The following KDM1A variants were observed in gnomAD, a reference collection of about 807,000 sequenced individuals.
KDM1A encodes lysine-specific histone demethylase 1A.
KDM1A carries 49 observed loss-of-function variants against 109.4 expected under a neutral mutation model. That is an observed-to-expected ratio of 0.45 (90% CI 0.36 to 0.57). The LOEUF is 0.57. KDM1A is among the 20% of genes least tolerant of loss of function. The pLI is 0.00. For synonymous variants in KDM1A, 380 were observed against 415.4 expected, an observed-to-expected ratio of 0.91 and a Z score of 1.04; for missense variants, 668 against 1,116.6, an observed-to-expected ratio of 0.60 and a Z score of 5.73.
chr1:23,022,324 GTT>G (rs35333220), intron 1 of KDM1A, among the ~76,000 whole-genome samples: 16 of 71,226 alleles, frequency 2.2e-4, no homozygotes, highest in African/African-American at 3.3e-4. Context: ...GTTCTTCTTC[GTT>G]TTTTTTTTTT....
At chr1:23,032,435 A>T (rs1642013144) in intron 2 of KDM1A, among the ~76,000 whole-genome samples, 1 of 150,404 alleles carries the variant, frequency 6.6e-6, no homozygotes, top group Non-Finnish European at 1.5e-5. Context: ...AGGATTTAGG[A>T]TTTGGGAGCT....
rs192049954 is a variant in KDM1A at position 23,082,858 on chromosome 1, T to C, written c.2446-321T>C. 3.6e-3 allele frequency: 860 copies of C among 239,684 alleles called. 3 individuals are homozygous for C. Among genetic ancestry groups the C allele is most frequent in the Admixed American group, 5.9e-3 (122 of 20,610 alleles). The allele number at this position is 239,684 out of a possible 1,614,324, so 14.8% of individuals were successfully genotyped here. A position where few individuals can be genotyped will look rare whatever the true frequency, so the allele number is the denominator to read the frequency against. The stretch of plus-strand genomic sequence containing the variant: ...TCCCTGATCACCAAATGTCCTGTGC[T>C]TCAGGGTAGCGAGGCTCCCTCCCAG... On this transcript the variant is annotated intron_variant, in intron 20 of 20. Transcript: ENST00000400181.
chr1:23,042,440 ATTTTTTTTTTTT>A (rs769149894), intron 2 of KDM1A, among the ~76,000 whole-genome samples: 5 of 21,562 alleles, frequency 2.3e-4, no homozygotes, highest in Non-Finnish European at 3.6e-4. Flanking sequence ...GAAATATATT[ATTTTTTTTTTTT>A]TTTTTTTTTT....
intron 15 of KDM1A, among the ~76,000 whole-genome samples, chr1:23,075,061 AGGTCAATTTAGG>A (rs1297850073): frequency 1.3e-5 from 2 of 152,254 alleles, no homozygotes; most frequent in African/African-American, 2.4e-5. Flanking sequence ...TTAAATTTCT[AGGTCAATTTAGG>A]GTGAATTGCC....
chr1:23,030,777 T>TTG (rs1557506084), intron 2 of KDM1A, 143 bp downstream of exon 2: 7 of 818,252 alleles, frequency 8.6e-6, no homozygotes, highest in East Asian at 2.7e-5. Flanking sequence ...ATGTGTGTCT[T>TTG]TGTGTGTGTG....
intron 4 of KDM1A, among the ~76,000 whole-genome samples, chr1:23,052,539 TAA>T (rs1642704005): frequency 6.6e-6 from 1 of 152,242 alleles, no homozygotes; most frequent in Non-Finnish European, 1.5e-5. Context: ...AATTTTTAGC[TAA>T]GACTTAAATA....
At chr1:23,034,043 G>C (rs547310686) in intron 2 of KDM1A, among the ~76,000 whole-genome samples, 2 of 152,226 alleles carry the variant, frequency 1.3e-5, no homozygotes, top group South Asian at 4.1e-4. Context: ...ATAATTGGAA[G>C]GAAGTTCTCT....
intron 10 of KDM1A, 51 bp downstream of exon 10, chr1:23,066,122 C>A: frequency 8.0e-7 from 1 of 1,242,910 alleles, no homozygotes; most frequent in South Asian, 1.2e-5. Flanking sequence ...TTACAATAAC[C>A]CATTAAAAGC....
intron 1 of KDM1A, among the ~76,000 whole-genome samples, chr1:23,023,310 C>T (rs562603583): frequency 1.3e-5 from 2 of 152,240 alleles, no homozygotes; most frequent in South Asian, 4.1e-4. Context: ...CGAGGATTTA[C>T]TCCTATGTTT....
Position 23,082,269 on chromosome 1 carries a change from GCT to G in KDM1A, c.2351_2352del (p.Ser784LeufsTer12). The G allele has an allele frequency of 6.2e-7, 1 of 1,613,736 alleles. No individual in the cohort carries two copies. The highest frequency in any genetic ancestry group is 8.5e-7 in the Non-Finnish European group (1 of 1,179,912). ...TGGCGTGCTGATCCCTGGGCTCGGGGCTCTTATTCCTATGTTGCTGCAGGATC... is the reference window on the plus strand; with the variant it reads ...TGGCGTGCTGATCCCTGGGCTCGGGGCTTATTCCTATGTTGCTGCAGGATC... On this transcript the variant is annotated frameshift_variant, in exon 20 of 21. Transcript: ENST00000400181. LOFTEE classifies it high-confidence loss of function.
chr1:23,029,601 C>T (rs1641914987), intron 1 of KDM1A, among the ~76,000 whole-genome samples: 1 of 152,044 alleles, frequency 6.6e-6, no homozygotes, highest in Non-Finnish European at 1.5e-5. Context: ...GACCTGTATC[C>T]TCCATTTCCA....
chr1:23,061,152 G>A (rs908876121), intron 9 of KDM1A, among the ~76,000 whole-genome samples: 3 of 152,190 alleles, frequency 2.0e-5, no homozygotes, highest in African/African-American at 7.2e-5. Context: ...GTTGTCCTCA[G>A]GTGGGGCCTG....
chr1:23,054,744 A>G (rs1242110927), intron 5 of KDM1A, among the ~76,000 whole-genome samples: 2 of 152,040 alleles, frequency 1.3e-5, no homozygotes, highest in African/African-American at 2.4e-5. Flanking sequence ...CTCCTTCCTC[A>G]GCCCCCCAAG....
At chr1:23,036,244 T>G (rs949254989) in intron 2 of KDM1A, among the ~76,000 whole-genome samples, 2 of 152,084 alleles carry the variant, frequency 1.3e-5, no homozygotes, top group African/African-American at 4.8e-5. Flanking sequence ...TAGGATTCTA[T>G]TACATCCCCA....
intron 2 of KDM1A, among the ~76,000 whole-genome samples, chr1:23,037,742 A>G (rs1473431678): frequency 6.6e-6 from 1 of 152,184 alleles, no homozygotes. Flanking sequence ...ATTTTTAACT[A>G]TTTACTGCTT....
intron 4 of KDM1A, among the ~76,000 whole-genome samples, chr1:23,052,732 C>T (rs2124459541): frequency 6.6e-6 from 1 of 152,222 alleles, no homozygotes; most frequent in African/African-American, 2.4e-5. Flanking sequence ...TTTGATAACT[C>T]AGTATCTGGT....
At chr1:23,075,977 TTTAGA>T (rs1181578638) in intron 15 of KDM1A, among the ~76,000 whole-genome samples, 2 of 152,178 alleles carry the variant, frequency 1.3e-5, no homozygotes, top group Non-Finnish European at 2.9e-5. Context: ...CTTCTTAATC[TTTAGA>T]TTATAATCTG....
At chr1:23,026,769 G>A (rs1363644337) in intron 1 of KDM1A, among the ~76,000 whole-genome samples, 1 of 152,158 alleles carries the variant, frequency 6.6e-6, no homozygotes, top group Admixed American at 6.6e-5. Flanking sequence ...GGAGAAGGAA[G>A]AGACTAAAGA....
intron 8 of KDM1A, 36 bp from the exon 9 acceptor site, chr1:23,059,037 G>C (rs771785554): frequency 7.4e-7 from 1 of 1,355,644 alleles, no homozygotes. Context: ...TCTCTTCATA[G>C]GTCTATTGAA....
Sources: allele counts gnomAD v4.1 joint callset (sites outside exome capture counted in the v4.1 genomes callset), GRCh38; gene constraint gnomAD v4.1.1; transcripts MANE v1.5; gene names NCBI Gene and HGNC (gene_info 2026-07-23, HGNC 2026-07-21).